The following PCCB variants were observed in gnomAD, a reference collection of about 807,000 sequenced individuals.
PCCB encodes the protein propionyl-CoA carboxylase beta chain, mitochondrial.
In PCCB, 43 loss-of-function variants were observed where a neutral mutation model predicts 60.7. The ratio of observed to expected loss-of-function variants is 0.71; its 90% CI spans 0.55 to 0.91. PCCB has a LOEUF of 0.91. Among genes scored for constraint, PCCB ranks in the 40% least tolerant of loss-of-function variants. The probability of loss-of-function intolerance (pLI) is 0.00; values close to 1 mark genes in which losing one functional copy is unlikely to be tolerated. For missense variants in PCCB, 766 were observed against 702.8 expected (o/e 1.09, Z -1.02); for synonymous variants, 276 against 255.9 (o/e 1.08, Z -0.75).
At chr3:136,255,748 T>C (rs1941655221) in intron 1 of PCCB, 108 bp from the exon 2 acceptor site, 6 of 933,236 alleles carry the variant, frequency 6.4e-6, no homozygotes, top group Non-Finnish European at 1.1e-5. Context: ...GTACTTGCAT[T>C]GAGATCAACG....
At chr3:136,298,176 G>A in intron 8 of PCCB, 104 bp downstream of exon 8, 1 of 1,337,388 alleles carries the variant, frequency 7.5e-7, no homozygotes, top group Non-Finnish European at 1.1e-6. Context: ...AGTTGCAGCA[G>A]AGTGTGGTAG....
intron 7 of PCCB, among the ~76,000 whole-genome samples, chr3:136,294,949 GT>G (rs1933867009): frequency 6.6e-6 from 1 of 152,118 alleles, no homozygotes; most frequent in African/African-American, 2.4e-5. Flanking sequence ...TACGTACCAA[GT>G]TTAAAATGTA....
At chr3:136,259,927 A>G (rs1941775752) in intron 3 of PCCB, among the ~76,000 whole-genome samples, 1 of 137,308 alleles carries the variant, frequency 7.3e-6, no homozygotes, top group African/African-American at 2.7e-5. Context: ...TAATTTTTAT[A>G]TTTTAGTAGA....
chr3:136,308,244 T>TA (rs1232622322), intron 9 of PCCB, among the ~76,000 whole-genome samples: 2 of 150,104 alleles, frequency 1.3e-5, no homozygotes, highest in African/African-American at 4.9e-5. Flanking sequence ...CTTTTTTTTT[T>TA]TTTTTTTGAT....
At chr3:136,322,386 A>G (rs956176911) in intron 10 of PCCB, among the ~76,000 whole-genome samples, 3 of 152,240 alleles carry the variant, frequency 2.0e-5, no homozygotes, top group South Asian at 2.1e-4. Flanking sequence ...GGATTTTTTC[A>G]TATATGTTTA....
At chr3:136,265,161 C>G (rs1002680468) in intron 5 of PCCB, among the ~76,000 whole-genome samples, 2 of 152,192 alleles carry the variant, frequency 1.3e-5, no homozygotes, top group African/African-American at 4.8e-5. Context: ...CCACTGCACT[C>G]CAGCCTGGGT....
At chr3:136,280,249 C>A (rs1942442236) in intron 5 of PCCB, among the ~76,000 whole-genome samples, 1 of 152,170 alleles carries the variant, frequency 6.6e-6, no homozygotes, top group Non-Finnish European at 1.5e-5. Flanking sequence ...ATGCTCTCAG[C>A]TTTTGTTGAC....
intron 9 of PCCB, among the ~76,000 whole-genome samples, chr3:136,314,404 T>C (rs1934797038): frequency 6.6e-6 from 1 of 152,128 alleles, no homozygotes; most frequent in South Asian, 2.1e-4. Flanking sequence ...GGGCTGGGTG[T>C]GGTGGTTCAC....
intron 10 of PCCB, among the ~76,000 whole-genome samples, 200 bp downstream of exon 10, chr3:136,317,264 T>A (rs1322521700): frequency 7.2e-6 from 1 of 139,198 alleles, no homozygotes; most frequent in African/African-American, 2.6e-5. Flanking sequence ...TACTGGTGTC[T>A]AGGCTGGAGT....
intron 3 of PCCB, 44 bp from the exon 4 acceptor site, chr3:136,260,435 G>T: frequency 6.6e-7 from 1 of 1,513,486 alleles, no homozygotes; most frequent in Non-Finnish European, 9.2e-7. Flanking sequence ...TTCATCTCTA[G>T]CCAGTCACTA....
intron 10 of PCCB, among the ~76,000 whole-genome samples, chr3:136,318,148 C>A (rs1478396278): frequency 1.3e-5 from 2 of 152,148 alleles, no homozygotes; most frequent in Non-Finnish European, 2.9e-5. Flanking sequence ...ACCATCTTAG[C>A]CAACATGGTG....
chr3:136,268,100 ATATATATATATATATATATATG>A (rs1160976387), intron 5 of PCCB, among the ~76,000 whole-genome samples: 9 of 63,610 alleles, frequency 1.4e-4, no homozygotes, highest in African/African-American at 3.1e-4. Flanking sequence ...ATATATATAT[ATATATATATATATATATATATG>A]TATATATATA....
At chr3:136,326,990 G>T (rs1452802999) in intron 11 of PCCB, 80 bp downstream of exon 11, 2 of 1,151,298 alleles carry the variant, frequency 1.7e-6, no homozygotes, top group Non-Finnish European at 2.6e-6. Flanking sequence ...TCTTCTTGCA[G>T]AACTCCCCGA....
intron 9 of PCCB, among the ~76,000 whole-genome samples, chr3:136,315,517 A>G (rs1934854680): frequency 6.6e-6 from 1 of 151,906 alleles, no homozygotes; most frequent in Non-Finnish European, 1.5e-5. Context: ...GCTAAGCGAG[A>G]CTCCGTCTCA....
At chr3:136,290,585 C>T (rs1394722863) in intron 6 of PCCB, among the ~76,000 whole-genome samples, 2 of 149,744 alleles carry the variant, frequency 1.3e-5, no homozygotes, top group African/African-American at 2.5e-5. Flanking sequence ...GGTTCAAACT[C>T]CTGGGCTCAC....
rs1045600128 is a variant in PCCB at position 136,255,641 on chromosome 3, G to A, written c.184-215G>A. The A allele has an allele frequency of 1.4e-5, 8 of 584,048 alleles. No homozygotes were observed. In the Admixed American group the frequency reaches 1.9e-4, roughly 14 times the overall value. 36.2% of individuals were successfully genotyped at this position (584,048 alleles called of 1,614,324 possible). ...ATTTCCTTATTCATCTTCCACAGTT[G>A]GGTGGCTTCTGGCGCACACTGTCTG... On this transcript the variant is annotated intron_variant, in intron 1 of 14. Transcript: ENST00000251654.
chr3:136,257,141 GGTT>G (rs1183205495), intron 3 of PCCB, among the ~76,000 whole-genome samples: 1 of 152,202 alleles, frequency 6.6e-6, no homozygotes, highest in African/African-American at 2.4e-5. Flanking sequence ...AGGGAATGAA[GGTT>G]GTTAATCAGC....
intron 2 of PCCB, chr3:136,256,269 A>G: frequency 1.8e-6 from 1 of 565,014 alleles, no homozygotes; most frequent in Non-Finnish European, 3.1e-6. Flanking sequence ...GTCCTCCTTC[A>G]TGTAAGCATA....
At chr3:136,292,003 G>T (rs1933716252) in intron 6 of PCCB, among the ~76,000 whole-genome samples, 1 of 152,152 alleles carries the variant, frequency 6.6e-6, no homozygotes, top group South Asian at 2.1e-4. Context: ...CCTGGCTCTG[G>T]AGGAGATTTG....
Sources: gnomAD v4.1 joint callset for allele counts (sites outside exome capture counted in the v4.1 genomes callset) on GRCh38, gnomAD v4.1.1 for gene constraint, MANE v1.5 for transcripts, NCBI Gene and HGNC (gene_info 2026-07-23, HGNC 2026-07-21) for gene names.